Variants in ZDHHC17 observed in about 807,000 individuals in gnomAD.
The protein encoded by ZDHHC17 is zDHHC palmitoyltransferase 17, also known as palmitoyltransferase ZDHHC17.
Under a neutral mutation model 90.3 loss-of-function variants are expected in ZDHHC17, and 40 were observed. That is an observed-to-expected ratio of 0.44 (90% CI 0.34 to 0.58). ZDHHC17 has a LOEUF of 0.58. Among genes scored for constraint, ZDHHC17 ranks in the 20% least tolerant of loss-of-function variants. The pLI, the probability that ZDHHC17 is intolerant of heterozygous loss-of-function variation, is 0.01. For synonymous variants in ZDHHC17, 235 were observed against 252.4 expected (o/e 0.93, Z 0.65); for missense variants, 614 against 780.8 (o/e 0.79, Z 2.55).
intron 6 of ZDHHC17, among the ~76,000 whole-genome samples, chr12:76,815,512 G>T (rs1434450064): frequency 2.0e-5 from 3 of 151,646 alleles, no homozygotes; most frequent in African/African-American, 7.3e-5. Flanking sequence ...TAATTAGTAA[G>T]TTGTCTTAGA....
chr12:76,800,392 C>G (rs1315007428), intron 2 of ZDHHC17, among the ~76,000 whole-genome samples: 2 of 152,184 alleles, frequency 1.3e-5, no homozygotes, highest in African/African-American at 4.8e-5. Flanking sequence ...TTCTGTGTTT[C>G]CTTACTTACG....
chr12:76,850,735 C>T (rs564771778), intron 16 of ZDHHC17, 112 bp from the exon 17 acceptor site: 7 of 1,359,756 alleles, frequency 5.1e-6, no homozygotes, highest in Non-Finnish European at 7.0e-6. Flanking sequence ...TGCAAGTAAC[C>T]TGAGTTTTTA....
intron 1 of ZDHHC17, among the ~76,000 whole-genome samples, chr12:76,780,512 T>C (rs549969659): frequency 6.6e-6 from 1 of 152,324 alleles, no homozygotes; most frequent in South Asian, 2.1e-4. Context: ...TTATTTTTCT[T>C]TGATTCCATG....
At position 76,853,407 on chromosome 12, in the gene ZDHHC17, A is replaced by C. The variant is rs906658756; in HGVS notation, c.*2422A>C. The C allele has an allele frequency of 1.3e-4, 20 of 150,470 alleles. No individual in the cohort carries two copies. The highest frequency in any genetic ancestry group is 4.9e-4 in the African/African-American group (20 of 40,828). 9.3% of individuals were successfully genotyped at this position (150,470 alleles called of 1,614,324 possible). A position where few individuals can be genotyped will look rare whatever the true frequency, so the allele number is the denominator to read the frequency against. ...TTTAGCAAATAGGAACTTAATTCTC[A>C]GCACTGAACATGAATTACTTCCTTG... On this transcript the variant is annotated 3_prime_UTR_variant, in exon 17 of 17. Coordinates refer to ENST00000426126, the MANE Select transcript of ZDHHC17 (RefSeq NM_015336.4).
chr12:76,840,596 C>T (rs1953423898), intron 10 of ZDHHC17: 1 of 152,178 alleles, frequency 6.6e-6, no homozygotes, highest in Non-Finnish European at 1.5e-5. Flanking sequence ...CCCCCTCGGC[C>T]TCCCAAAGTG....
chr12:76,819,499 T>C (rs1304332215), intron 7 of ZDHHC17, among the ~76,000 whole-genome samples: 2 of 152,200 alleles, frequency 1.3e-5, no homozygotes, highest in Admixed American at 1.3e-4. Context: ...TCAAAGAATA[T>C]GAAAAATTAC....
In ZDHHC17 at chr12:76,850,914, A is replaced by T; in HGVS notation, c.1828A>T (p.Ile610Phe). 1 of 1,613,962 alleles carries T rather than the reference A, an allele frequency of 6.2e-7. No homozygotes were observed. Among genetic ancestry groups the T allele is most frequent in the South Asian group, 1.1e-5 (1 of 91,082 alleles). Residue 610 changes from isoleucine (I) to phenylalanine (F), a missense_variant, in exon 17 of 17, where the codon ATC (isoleucine) becomes TTC (phenylalanine). By Grantham distance (21) the Ile-to-Phe change is conservative. This residue lies in a region of ZDHHC17 where 111 missense variants were observed against 179.8 expected (regional missense o/e 0.62). Coordinates refer to ENST00000426126, the MANE Select transcript of ZDHHC17 (RefSeq NM_015336.4). Reference protein sequence around the residue: ...FRCCGLFRPVIVDWTRQYTIE... With the variant: ...FRCCGLFRPVFVDWTRQYTIE... ...ATGCTGTGGCCTCTTTCGTCCTGTT[A>T]TCGTGGACTGGACCAGGCAGTATAC...
chr12:76,783,595 G>A (rs57176999), intron 1 of ZDHHC17, among the ~76,000 whole-genome samples: 5,831 of 152,294 alleles, frequency 0.038, 261 homozygotes, highest in African/African-American at 0.11. Flanking sequence ...GAGCCAAACC[G>A]TATCACCATG....
intron 5 of ZDHHC17, among the ~76,000 whole-genome samples, chr12:76,814,104 A>G (rs10862558): frequency 0.37 from 55,721 of 151,834 alleles, 11,041 homozygotes; most frequent in East Asian, 0.65. Context: ...TTTCAGGCAT[A>G]GAGGATAATC....
chr12:76,826,203 T>C (rs1953227965), intron 8 of ZDHHC17, among the ~76,000 whole-genome samples: 1 of 152,166 alleles, frequency 6.6e-6, no homozygotes, highest in Non-Finnish European at 1.5e-5. Flanking sequence ...GGCTCTTACA[T>C]GGAAGAGGCA....
chr12:76,765,813 C>T (rs1185697822), intron 1 of ZDHHC17, among the ~76,000 whole-genome samples: 1 of 152,146 alleles, frequency 6.6e-6, no homozygotes, highest in African/African-American at 2.4e-5. Flanking sequence ...TGATCCTCTC[C>T]CCTCAGCCTC....
intron 2 of ZDHHC17, among the ~76,000 whole-genome samples, chr12:76,802,075 C>A (rs564545669): frequency 6.6e-6 from 1 of 152,264 alleles, no homozygotes; most frequent in African/African-American, 2.4e-5. Context: ...CTTTGAGTTA[C>A]TGTCTAGTGT....
chr12:76,819,573 TTAAG>T (rs1373220933), intron 7 of ZDHHC17, among the ~76,000 whole-genome samples: 3 of 152,226 alleles, frequency 2.0e-5, no homozygotes, highest in African/African-American at 7.2e-5. Context: ...CTATATATGA[TTAAG>T]TGTCTTAGAA....
chr12:76,808,957 G>A (rs1396372668), intron 3 of ZDHHC17, 86 bp from the exon 4 acceptor site: 5 of 766,564 alleles, frequency 6.5e-6, no homozygotes, highest in Non-Finnish European at 9.4e-6. Context: ...ATCTGAAATA[G>A]AAAACATGTA....
chr12:76,772,630 G>C (rs539182891), intron 1 of ZDHHC17, among the ~76,000 whole-genome samples: 1 of 148,154 alleles, frequency 6.7e-6, no homozygotes, highest in South Asian at 2.1e-4. Context: ...TGCCTCCCAG[G>C]TTCAAGCAGT....
intron 10 of ZDHHC17, chr12:76,840,968 A>C (rs955457510): frequency 5.3e-5 from 8 of 152,320 alleles, no homozygotes; most frequent in Non-Finnish European, 8.8e-5. Flanking sequence ...TCTCCAGAAT[A>C]AACAGCTGAA....
intron 1 of ZDHHC17, among the ~76,000 whole-genome samples, chr12:76,782,275 A>G (rs1287162094): frequency 6.6e-6 from 1 of 152,200 alleles, no homozygotes; most frequent in Non-Finnish European, 1.5e-5. Context: ...GTTGCAGAAA[A>G]TAGTTAGGCC....
intron 3 of ZDHHC17, among the ~76,000 whole-genome samples, chr12:76,808,423 G>C (rs1037990557): frequency 1.3e-5 from 2 of 152,112 alleles, no homozygotes; most frequent in African/African-American, 4.8e-5. Context: ...TCAAGTCCAG[G>C]AGTTGGAGAC....
intron 2 of ZDHHC17, among the ~76,000 whole-genome samples, chr12:76,800,871 TCATTTTG>T (rs1465576087): frequency 6.6e-6 from 1 of 150,580 alleles, no homozygotes; most frequent in East Asian, 2.0e-4. Context: ...GGGACTTCTG[TCATTTTG>T]CCATTTCTTT....
Sources: gnomAD v4.1 joint callset for allele counts (sites outside exome capture counted in the v4.1 genomes callset) on GRCh38, gnomAD v4.1.1 for gene constraint, gnomAD v4.1.1 regional missense constraint, MANE v1.5 for transcripts, NCBI Gene and HGNC (gene_info 2026-07-23, HGNC 2026-07-21) for gene names.